OR5T2: variants seen among roughly 807,000 people sequenced by gnomAD.
OR5T2 encodes the protein olfactory receptor 5T2.
A neutral mutation model predicts 13.7 loss-of-function variants in OR5T2; 12 were observed. The ratio of observed to expected loss-of-function variants is 0.88; its 90% confidence interval spans 0.56 to 1.42. The LOEUF (loss-of-function observed/expected upper bound fraction) is 1.42, where lower values mean the gene tolerates loss of function less well. Ranked by LOEUF, OR5T2 falls within the 40% of genes most tolerant of loss-of-function variation. The probability of loss-of-function intolerance (pLI) is 0.00; values close to 1 mark genes in which losing one functional copy is unlikely to be tolerated. For synonymous variants in OR5T2, 146 were observed against 139.5 expected (o/e 1.05, Z -0.33); for missense variants, 475 against 372.0 (o/e 1.28, Z -2.28).
chr11:56,232,209 G>C lies in OR5T2; in HGVS notation c.854C>G (p.Pro285Arg). ...FYTIVIPLLN[P>R]VIYSLRNKDV... The stretch of plus-strand genomic sequence containing the variant: ...TTTGTTCCTCAAACTGTAGATGACG[G>C]GATTCAGCAAGGGAATCACAATGGT... The change falls in exon 2 of 2, where the codon CCC becomes CGC. Residue 285 changes from proline (P) to arginine (R), a missense_variant. Physicochemically the swap from Pro to Arg is moderately radical, Grantham distance 103. Transcript: ENST00000641661. 1.2e-6 allele frequency: 2 copies of C among 1,612,116 alleles called. No homozygotes were observed. Among genetic ancestry groups the C allele is most frequent in the Non-Finnish European group, 1.7e-6 (2 of 1,179,186 alleles).
At position 56,232,968 on chromosome 11, in the gene OR5T2, A is replaced by G. The variant is rs1199575141; in HGVS notation, c.95T>C (p.Ile32Thr). The G allele has an allele frequency of 6.2e-7, 1 of 1,609,568 alleles. No individual in the cohort carries two copies. Among genetic ancestry groups the G allele is most frequent in the Non-Finnish European group, 8.5e-7 (1 of 1,178,036 alleles). ...QTIFFFLFLAIYLFTLMGNLG... is the reference protein window; with the variant it reads ...QTIFFFLFLATYLFTLMGNLG... ...ATTTCCCATGAGAGTGAAGAGGTAG[A>G]TTGCTAGAAACAGGAAGAAGAAGAT... The change falls in exon 2 of 2, where the codon ATC becomes ACC. Residue 32 changes from isoleucine (I) to threonine (T), a missense_variant. Physicochemically the swap from Ile to Thr is moderately conservative, Grantham distance 89. Transcript: ENST00000641661.
In OR5T2 at chr11:56,233,139, T is replaced by C; in HGVS notation, c.-77A>G. 1 of 1,579,738 alleles carries C rather than the reference T, an allele frequency of 6.3e-7. No individual in the cohort carries two copies. Among genetic ancestry groups the C allele is most frequent in the Non-Finnish European group, 8.6e-7 (1 of 1,158,872 alleles). Reference sequence around the variant, plus strand: ...ATGACAAAAAGAATGAACAACACCATGACTCAAGGGGATGTTAACTGTGCT... The same window carrying C: ...ATGACAAAAAGAATGAACAACACCACGACTCAAGGGGATGTTAACTGTGCT... On this transcript the variant is annotated 5_prime_UTR_variant, in exon 2 of 2. The change abolishes an upstream ATG in the 5' untranslated region. Coordinates refer to ENST00000641661, the MANE Select transcript of OR5T2 (RefSeq NM_001004746.4).
Position 56,233,074 on chromosome 11 carries a change from G to T in OR5T2, c.-12C>A, listed in dbSNP as rs201578491. ...GTGACATTCTTCATGTTGAAATCTA[G>T]AACAAACTTGAAGATATGCATAAAG... On this transcript the variant is annotated 5_prime_UTR_variant, in exon 2 of 2. Coordinates refer to ENST00000641661, the MANE Select transcript of OR5T2 (RefSeq NM_001004746.4). 4.0e-5 allele frequency: 65 copies of T among 1,606,442 alleles called. No homozygotes were observed. The African/African-American group carries it at 8.3e-4, about 20-fold the overall frequency.
chr11:56,233,082 T>C lies in OR5T2; in HGVS notation c.-20A>G, dbSNP rs1853316569. ...CTTCATGTTGAAATCTAGAACAAACTTGAAGATATGCATAAAGTTACAGTT... is the reference window on the plus strand; with the variant it reads ...CTTCATGTTGAAATCTAGAACAAACCTGAAGATATGCATAAAGTTACAGTT... On this transcript the variant is annotated 5_prime_UTR_variant, in exon 2 of 2. Transcript: ENST00000641661. 1 of 1,607,896 alleles carries C rather than the reference T, an allele frequency of 6.2e-7. No homozygotes were observed. The highest frequency in any genetic ancestry group is 8.5e-7 in the Non-Finnish European group (1 of 1,175,330).
Position 56,232,820 on chromosome 11 carries a change from T to C in OR5T2, c.243A>G (p.Val81=). Residue 81 remains valine, a synonymous_variant, in exon 2 of 2, where the codon GTA becomes GTG. Transcript: ENST00000641661. ...YSSVITPNML[V]DFTTKNKVIS... is the part of the protein sequence containing the mutation. ...TGACTTTATTCTTTGTCGTAAAATC[T>C]ACTAACATATTTGGGGTAATAACTG... 2 of 1,613,814 alleles carry C rather than the reference T, an allele frequency of 1.2e-6. No individual in the cohort carries two copies. Among genetic ancestry groups the C allele is most frequent in the Non-Finnish European group, 8.5e-7 (1 of 1,179,840 alleles).
Position 56,233,128 on chromosome 11 carries a change from G to A in OR5T2, c.-66C>T. The A allele has an allele frequency of 6.3e-7, 1 of 1,586,004 alleles. No homozygotes were observed. Among genetic ancestry groups the A allele is most frequent in the Non-Finnish European group, 8.6e-7 (1 of 1,162,114 alleles). On this transcript the variant is annotated 5_prime_UTR_variant, in exon 2 of 2. Transcript: ENST00000641661. ...CAGTTCATATTATGACAAAAAGAAT[G>A]AACAACACCATGACTCAAGGGGATG...
intron 1 of OR5T2, 47 bp downstream of exon 1, chr11:56,234,116 TGCTAAATAACAGGC>T (rs1333911450): frequency 6.6e-6 from 1 of 152,138 alleles, no homozygotes; most frequent in Non-Finnish European, 1.5e-5. Flanking sequence ...ACACTAAGTT[TGCTAAATAACAGGC>T]ATTTATTTAG....
rs115026244 is a variant in OR5T2, at chr11:56,232,500, G to A, written c.563C>T (p.Ser188Phe). The change falls in exon 2 of 2, where the codon TCT becomes TTT. Residue 188 changes from serine (S) to phenylalanine (F), a missense_variant. By Grantham distance (155) the Ser-to-Phe change is radical (BLOSUM62 -2). Coordinates refer to ENST00000641661, the MANE Select transcript of OR5T2 (RefSeq NM_001004746.4). Reference protein sequence around the residue: ...DIPPLLAISYSDTHTNQLLLF... With the variant: ...DIPPLLAISYFDTHTNQLLLF... ...TAGAAGCTGGTTTGTGTGAGTGTCA[G>A]AATAAGAAATAGCAAGGAGAGGAGG... 1.8e-4 allele frequency: 295 copies of A among 1,608,244 alleles called. 2 individuals are homozygous for A. In the African/African-American group the frequency reaches 3.6e-3, roughly 20 times the overall value.
chr11:56,233,380 A>T, intron 1 of OR5T2, 116 bp from the exon 2 acceptor site: 1 of 400,378 alleles, frequency 2.5e-6, no homozygotes, highest in Non-Finnish European at 4.4e-6. Flanking sequence ...CTGTTTATAT[A>T]TTAAATAATA....
At chr11:56,233,573 AT>A (rs1431246908) in intron 1 of OR5T2, among the ~76,000 whole-genome samples, 1 of 152,114 alleles carries the variant, frequency 6.6e-6, no homozygotes, top group Non-Finnish European at 1.5e-5. Context: ...TGTTCACAAG[AT>A]TGGAGTAAAT....
rs759405874 is a variant in OR5T2, at chr11:56,233,160, G to A, written c.-98C>T. ...ACCATGACTCAAGGGGATGTTAACTGTGCTCTTGTATATACTGTACGACAT... is the reference window on the plus strand; with the variant it reads ...ACCATGACTCAAGGGGATGTTAACTATGCTCTTGTATATACTGTACGACAT... On this transcript the variant is annotated 5_prime_UTR_variant, in exon 2 of 2. An upstream open reading frame in the 5' UTR gains an earlier in-frame stop. Transcript: ENST00000641661. 27 of 1,562,444 alleles carry A rather than the reference G, an allele frequency of 1.7e-5. No individual in the cohort carries two copies. Among genetic ancestry groups the A allele is most frequent in the Non-Finnish European group, 2.3e-5 (26 of 1,150,982 alleles).
At position 56,231,856 on chromosome 11, in the gene OR5T2, G is replaced by C. The variant is rs1211825456; in HGVS notation, c.*250C>G. On this transcript the variant is annotated 3_prime_UTR_variant, in exon 2 of 2. Coordinates refer to ENST00000641661, the MANE Select transcript of OR5T2 (RefSeq NM_001004746.4). Reference sequence around the variant, plus strand: ...AGGTATAGGGTGGGACTCTCTCATGGGAGAGTCTTAAGATTCACAATCAGT... The same window carrying C: ...AGGTATAGGGTGGGACTCTCTCATGCGAGAGTCTTAAGATTCACAATCAGT... The C allele has an allele frequency of 3.0e-6, 1 of 333,472 alleles. No homozygotes were observed. The highest frequency in any genetic ancestry group is 5.4e-6 in the Non-Finnish European group (1 of 186,436). The allele number at this position is 333,472 out of a possible 1,614,324, so 20.7% of individuals were successfully genotyped here.
In OR5T2 at chr11:56,231,995, C is replaced by T; in HGVS notation, c.*111G>A. On this transcript the variant is annotated 3_prime_UTR_variant, in exon 2 of 2. Transcript: ENST00000641661. ...TTATAACAAAAGACTGTAACAAAGG[C>T]TATGGGAATTATGAGCCAGGAACCC... 2.3e-6 allele frequency: 2 copies of T among 862,314 alleles called. No homozygotes were observed. The highest frequency in any genetic ancestry group is 3.4e-6 in the Non-Finnish European group (2 of 590,596). The allele number at this position is 862,314 out of a possible 1,614,324, so 53.4% of individuals were successfully genotyped here. A position where few individuals can be genotyped will look rare whatever the true frequency, so the allele number is the denominator to read the frequency against.
At chr11:56,233,978 A>G (rs1853333829) in intron 1 of OR5T2, among the ~76,000 whole-genome samples, 199 bp downstream of exon 1, 1 of 152,082 alleles carries the variant, frequency 6.6e-6, no homozygotes, top group Admixed American at 6.6e-5. Flanking sequence ...TTATAAAGAG[A>G]AAATCACTAT....
rs773561361 is a variant in OR5T2, at chr11:56,233,138, A to G, written c.-76T>C. 7.6e-6 allele frequency: 12 copies of G among 1,578,110 alleles called. No individual in the cohort carries two copies. The Admixed American group carries it at 1.9e-4, about 25-fold the overall frequency. On this transcript the variant is annotated 5_prime_UTR_variant, in exon 2 of 2. It removes an upstream start codon present in the reference 5' UTR. Coordinates refer to ENST00000641661, the MANE Select transcript of OR5T2 (RefSeq NM_001004746.4). ...TATGACAAAAAGAATGAACAACACC[A>G]TGACTCAAGGGGATGTTAACTGTGC...
rs1853275571 is a variant in OR5T2 at position 56,231,415 on chromosome 11, CTAATT to C, written c.*686_*690del. The C allele has an allele frequency of 6.6e-6, 1 of 152,120 alleles. No individual in the cohort carries two copies. The highest frequency in any genetic ancestry group is 6.5e-5 in the Admixed American group (1 of 15,268). The allele number at this position is 152,120 out of a possible 1,614,324, so 9.4% of individuals were successfully genotyped here. ...GTGGTAATCACCAACTGGGTATCCT[CTAATT>C]CAGTTGCAACACTATCTACCCAGAG... is the stretch of plus-strand genomic sequence containing the variant. On this transcript the variant is annotated 3_prime_UTR_variant, in exon 2 of 2. Coordinates refer to ENST00000641661, the MANE Select transcript of OR5T2 (RefSeq NM_001004746.4).
Position 56,232,121 on chromosome 11 carries a change from A to C in OR5T2, c.942T>G (p.Phe314Leu). The C allele has an allele frequency of 6.4e-7, 1 of 1,551,138 alleles. No individual in the cohort carries two copies. The highest frequency in any genetic ancestry group is 8.7e-7 in the Non-Finnish European group (1 of 1,150,272). Residue 314 changes from phenylalanine (F) to leucine (L), a missense_variant, in exon 2 of 2, where the codon TTT (phenylalanine) becomes TTG (leucine). By Grantham distance (22) the Phe-to-Leu change is conservative. Transcript: ENST00000641661. ...CTTTTATAATTTATTTTTTAGTATG[A>C]AAATATACTTTATTGATAACCTGAT... ...GKNQVINKVYFHTKK is the reference protein window; with the variant it reads ...GKNQVINKVYLHTKK
At position 56,232,790 on chromosome 11, in the gene OR5T2, T is replaced by C. The variant is rs756270312; in HGVS notation, c.273A>G (p.Ser91=). 6.2e-7 allele frequency: 1 copy of C among 1,614,058 alleles called. No individual in the cohort carries two copies. The change falls in exon 2 of 2, where the codon TCA becomes TCG. Residue 91 remains serine (S), a synonymous_variant. Coordinates refer to ENST00000641661, the MANE Select transcript of OR5T2 (RefSeq NM_001004746.4). ...ACACCTGTGCTACACATCCAAGGAA[T>C]GAAATGACTTTATTCTTTGTCGTAA... ...VDFTTKNKVI[S]FLGCVAQVFL...
Position 56,232,610 on chromosome 11 carries a change from A to C in OR5T2, c.453T>G (p.Ile151Met), listed in dbSNP as rs1422820188. 2 of 1,613,996 alleles carry C rather than the reference A, an allele frequency of 1.2e-6. No individual in the cohort carries two copies. The highest frequency in any genetic ancestry group is 1.7e-5 in the Admixed American group (1 of 59,998). The change falls in exon 2 of 2, where the codon ATT (isoleucine) becomes ATG (methionine). Residue 151 changes from isoleucine (I) to methionine (M), a missense_variant. Ile to Met is a conservative substitution (Grantham distance 10). Transcript: ENST00000641661. ...CCACTGTATGTATAGTAGCATGTAA[A>C]ATGCCAGCAACATAGGAAGCATTGA... is the stretch of plus-strand genomic sequence containing the variant. ...PLINASYVAGILHATIHTVAT... is the reference protein window; with the variant it reads ...PLINASYVAGMLHATIHTVAT...
Sources: allele counts gnomAD v4.1 joint callset (sites outside exome capture counted in the v4.1 genomes callset), GRCh38; gene constraint gnomAD v4.1.1; transcripts MANE v1.5; gene names NCBI Gene and HGNC (gene_info 2026-07-23, HGNC 2026-07-21).